The following PHACTR1 variants were observed in gnomAD, a reference collection of about 807,000 sequenced individuals.
PHACTR1 encodes the protein phosphatase and actin regulator 1.
A neutral mutation model predicts 69.2 loss-of-function variants in PHACTR1; 16 were observed. The observed-to-expected ratio is 0.23, with a 90% CI of 0.16 to 0.35. PHACTR1 has a LOEUF of 0.35. Among genes scored for constraint, PHACTR1 ranks in the 10% least tolerant of loss-of-function variants. The probability of loss-of-function intolerance (pLI) is 1.00; values close to 1 mark genes in which losing one functional copy is unlikely to be tolerated. For missense variants in PHACTR1, 510 were observed against 734.7 expected (o/e 0.69, Z 3.54); for synonymous variants, 312 against 284.5 (o/e 1.10, Z -0.97).
intron 4 of PHACTR1, among the ~76,000 whole-genome samples, chr6:12,999,550 G>A (rs1797841358): frequency 6.6e-6 from 1 of 152,190 alleles, no homozygotes; most frequent in African/African-American, 2.4e-5. Context: ...AGAGAGCTGA[G>A]ACGGCGCCAC....
intron 4 of PHACTR1, among the ~76,000 whole-genome samples, chr6:12,920,364 G>A (rs1184465875): frequency 6.6e-6 from 1 of 152,210 alleles, no homozygotes; most frequent in Non-Finnish European, 1.5e-5. Context: ...CGTACCGTTA[G>A]CATTGTGAAA....
chr6:12,977,000 C>T (rs766089442), intron 4 of PHACTR1, among the ~76,000 whole-genome samples: 38 of 152,210 alleles, frequency 2.5e-4, no homozygotes, highest in Non-Finnish European at 5.3e-4. Flanking sequence ...GAGTCTCGCT[C>T]TGTTGCTCAG....
At chr6:12,891,820 T>C (rs868624644) in intron 4 of PHACTR1, among the ~76,000 whole-genome samples, 1 of 152,236 alleles carries the variant, frequency 6.6e-6, no homozygotes, top group Non-Finnish European at 1.5e-5. Context: ...CAAACCAGCC[T>C]TGAATTCATT....
At chr6:13,193,978 A>G (rs1763988901) in intron 7 of PHACTR1, among the ~76,000 whole-genome samples, 1 of 152,192 alleles carries the variant, frequency 6.6e-6, no homozygotes, top group Non-Finnish European at 1.5e-5. Flanking sequence ...GCACCAGTCC[A>G]TGGCTGCAGA....
chr6:13,093,447 C>T (rs773050186), intron 5 of PHACTR1, among the ~76,000 whole-genome samples: 9 of 152,294 alleles, frequency 5.9e-5, no homozygotes, highest in East Asian at 1.9e-4. Context: ...CAGCCTCCCA[C>T]GGCCATCATC....
intron 4 of PHACTR1, among the ~76,000 whole-genome samples, chr6:12,758,098 T>C (rs1767567776): frequency 6.6e-6 from 1 of 150,868 alleles, no homozygotes; most frequent in African/African-American, 2.4e-5. Context: ...GGAGACAAAG[T>C]GAAACTCTGT....
intron 5 of PHACTR1, among the ~76,000 whole-genome samples, chr6:13,137,955 C>T (rs1347215235): frequency 1.3e-5 from 2 of 152,188 alleles, no homozygotes; most frequent in Non-Finnish European, 2.9e-5. Context: ...CCCCTGAAGG[C>T]AGCATGGAAC....
chr6:13,083,262 C>T lies in PHACTR1; in HGVS notation c.415+29733C>T, dbSNP rs982731830. Among the ~76,000 whole-genome samples the T allele has an allele frequency of 3.0e-3, 452 of 151,390 alleles. 2 individuals carry two copies. Among genetic ancestry groups the T allele is most frequent in the Middle Eastern group, 0.01 (3 of 294 alleles). Reference sequence around the variant, plus strand: ...CAAAGATCAGATAGTTGTAGATATGCGGCATTATTTCTGAGGGCTCTGTTC... The same window carrying T: ...CAAAGATCAGATAGTTGTAGATATGTGGCATTATTTCTGAGGGCTCTGTTC... On this transcript the variant is annotated intron_variant, in intron 5 of 14. Coordinates refer to ENST00000332995, the MANE Select transcript of PHACTR1 (RefSeq NM_030948.6).
chr6:12,883,423 C>G (rs1783300483), intron 4 of PHACTR1, among the ~76,000 whole-genome samples: 1 of 152,022 alleles, frequency 6.6e-6, no homozygotes, highest in Non-Finnish European at 1.5e-5. Flanking sequence ...CCATATATGC[C>G]AGGCAGGTCT....
At chr6:13,080,739 A>C (rs927629435) in intron 5 of PHACTR1, among the ~76,000 whole-genome samples, 1 of 152,176 alleles carries the variant, frequency 6.6e-6, no homozygotes, top group Non-Finnish European at 1.5e-5. Context: ...ATATCACAAG[A>C]AGGAAAATAT....
At chr6:13,043,986 T>G (rs866573666) in intron 4 of PHACTR1, among the ~76,000 whole-genome samples, 1 of 152,194 alleles carries the variant, frequency 6.6e-6, no homozygotes, top group African/African-American at 2.4e-5. Flanking sequence ...GAAGGATACA[T>G]TCCTGGGAGA....
At chr6:12,760,277 T>A (rs935623729) in intron 4 of PHACTR1, among the ~76,000 whole-genome samples, 3 of 152,198 alleles carry the variant, frequency 2.0e-5, no homozygotes, top group Non-Finnish European at 4.4e-5. Context: ...TTACCCCTAT[T>A]CAATCCTTCT....
intron 6 of PHACTR1, among the ~76,000 whole-genome samples, chr6:13,171,075 G>C (rs1277927610): frequency 2.0e-5 from 3 of 152,138 alleles, no homozygotes; most frequent in Non-Finnish European, 4.4e-5. Context: ...GCAGGTACTC[G>C]ATCAAGGTTA....
chr6:12,877,556 T>C (rs374571018), intron 4 of PHACTR1, among the ~76,000 whole-genome samples: 6 of 152,136 alleles, frequency 3.9e-5, no homozygotes, highest in African/African-American at 1.2e-4. Context: ...CAGCCGTCTG[T>C]TTGCTCCTGA....
chr6:13,095,889 C>A (rs1814156101), intron 5 of PHACTR1, among the ~76,000 whole-genome samples: 1 of 147,754 alleles, frequency 6.8e-6, no homozygotes, highest in African/African-American at 2.5e-5. Flanking sequence ...TCATGAAGTA[C>A]AAGAAAACAA....
chr6:12,757,088 A>G (rs1767413072), intron 4 of PHACTR1, among the ~76,000 whole-genome samples: 1 of 152,260 alleles, frequency 6.6e-6, no homozygotes, highest in African/African-American at 2.4e-5. Flanking sequence ...ACAAAAATGA[A>G]TAAGGCAGAC....
At chr6:12,846,987 GT>G (rs71707620) in intron 4 of PHACTR1, among the ~76,000 whole-genome samples, 7 of 147,370 alleles carry the variant, frequency 4.7e-5, no homozygotes, top group South Asian at 2.2e-4. Flanking sequence ...TTTTTTCTTT[GT>G]TTTTTTTTTG....
intron 4 of PHACTR1, among the ~76,000 whole-genome samples, chr6:12,827,600 A>G (rs1377603534): frequency 6.6e-6 from 1 of 152,210 alleles, no homozygotes; most frequent in African/African-American, 2.4e-5. Context: ...ATTCATGAAA[A>G]AGGCAACATA....
At chr6:12,859,567 G>A (rs1780735675) in intron 4 of PHACTR1, among the ~76,000 whole-genome samples, 1 of 152,118 alleles carries the variant, frequency 6.6e-6, no homozygotes. Context: ...AAGTCCAGAG[G>A]CAATGAGAAA....
Sources: allele counts gnomAD v4.1 joint callset (sites outside exome capture counted in the v4.1 genomes callset), GRCh38; gene constraint gnomAD v4.1.1; transcripts MANE v1.5; gene names NCBI Gene and HGNC (gene_info 2026-07-23, HGNC 2026-07-21).